RPL35A: variants seen among roughly 807,000 people sequenced by gnomAD.
RPL35A encodes the protein ribosomal protein L35a.
Under a neutral mutation model 16.7 loss-of-function variants are expected in RPL35A, and 1 was observed. The observed-to-expected ratio is 0.06, with a 90% CI of 0.02 to 0.28. RPL35A has a LOEUF of 0.28. Ranked by LOEUF, RPL35A falls within the 10% of genes least tolerant of loss-of-function variation. The pLI is 1.00. For synonymous variants in RPL35A, 58 were observed against 47.0 expected (o/e 1.23, Z -0.96); for missense variants, 91 against 138.7 (o/e 0.66, Z 1.73).
At chr3:197,954,833 A>G (rs1720404424) in intron 4 of RPL35A, among the ~76,000 whole-genome samples, 1 of 152,170 alleles carries the variant, frequency 6.6e-6, no homozygotes, top group Non-Finnish European at 1.5e-5. Flanking sequence ...TCTGGTGAAG[A>G]TATTTATTGG....
chr3:197,955,635 T>C, intron 4 of RPL35A, 115 bp from the exon 5 acceptor site: 1 of 952,442 alleles, frequency 1.0e-6, no homozygotes, highest in Non-Finnish European at 1.7e-6. Context: ...AAACTTTCCT[T>C]ACCACTAGAA....
intron 3 of RPL35A, among the ~76,000 whole-genome samples, chr3:197,952,162 GTTTTTTTTTTTTTTTTT>G (rs1161903755): frequency 2.4e-5 from 2 of 83,860 alleles, no homozygotes; most frequent in East Asian, 4.0e-4. Flanking sequence ...AAAATTATGG[GTTTTTTTTTTTTTTTTT>G]TTTTTTTTTG....
chr3:197,951,751 G>A (rs762624676), intron 3 of RPL35A: 1 of 191,052 alleles, frequency 5.2e-6, no homozygotes, highest in Non-Finnish European at 1.1e-5. Context: ...CAGGTTGGAG[G>A]GCAGTAGCGC....
At chr3:197,951,014 G>T (rs375955685) in intron 2 of RPL35A, 36 bp downstream of exon 2, 5 of 1,609,644 alleles carry the variant, frequency 3.1e-6, no homozygotes, top group Non-Finnish European at 4.3e-6. Context: ...ATTTTTGTGT[G>T]TTAGACGTGA....
At chr3:197,951,005 T>A in intron 2 of RPL35A, 27 bp downstream of exon 2, 3 of 1,611,360 alleles carry the variant, frequency 1.9e-6, no homozygotes, top group Non-Finnish European at 1.7e-6. Flanking sequence ...TAGTTCTTTA[T>A]TTTTGTGTGT....
At chr3:197,950,722 C>A in intron 1 of RPL35A, 1 of 585,750 alleles carries the variant, frequency 1.7e-6, no homozygotes, top group South Asian at 2.2e-5. Flanking sequence ...GTTTTGTCTT[C>A]ATTCTGAAGT....
intron 4 of RPL35A, 25 bp downstream of exon 4, chr3:197,954,172 G>A: frequency 6.2e-7 from 1 of 1,613,420 alleles, no homozygotes; most frequent in Admixed American, 1.7e-5. Context: ...TAGCAAAATG[G>A]ACGTCTGATG....
chr3:197,955,865 T>G lies in RPL35A; in HGVS notation c.*92T>G. The G allele has an allele frequency of 9.3e-7, 1 of 1,080,002 alleles. No homozygotes were observed. Among genetic ancestry groups the G allele is most frequent in the Non-Finnish European group, 1.4e-6 (1 of 700,372 alleles). The allele number at this position is 1,080,002 out of a possible 1,614,324, so 66.9% of individuals were successfully genotyped here. On this transcript the variant is annotated 3_prime_UTR_variant, in exon 5 of 5. Coordinates refer to ENST00000647248, the MANE Select transcript of RPL35A (RefSeq NM_000996.4). ...TACTACCTTAAATTGATTTGCTACA[T>G]GCTTAAAATGATAGAGGTTGCTCAG...
At position 197,950,949 on chromosome 3, in the gene RPL35A, G is replaced by C. The variant is rs1235142594; in HGVS notation, c.-19G>C. ...GTTTGTTTTAAGGCCTGCTGGGAAC[G>C]GGACTTCTAAAAGGAACTATGTCTG... On this transcript the variant is annotated 5_prime_UTR_variant, in exon 2 of 5. Transcript: ENST00000647248. The C allele has an allele frequency of 1.2e-6, 2 of 1,614,010 alleles. No individual in the cohort carries two copies. Among genetic ancestry groups the C allele is most frequent in the African/African-American group, 1.3e-5 (1 of 74,924 alleles).
intron 1 of RPL35A, chr3:197,950,526 C>G (rs1052493343): frequency 9.6e-6 from 3 of 312,354 alleles, no homozygotes; most frequent in South Asian, 6.5e-5. Flanking sequence ...TCCTCCCAGT[C>G]CATACCTTCC....
At chr3:197,951,128 T>C (rs1215642930) in intron 2 of RPL35A, 31 bp from the exon 3 acceptor site, 3 of 1,613,940 alleles carry the variant, frequency 1.9e-6, no homozygotes, top group Non-Finnish European at 2.5e-6. Flanking sequence ...TTGAAGCTTA[T>C]GTTTCATGTT....
rs1448947006 is a variant in RPL35A, at chr3:197,956,426, T to TA, written c.*654dup. The TA allele has an allele frequency of 6.5e-6, 1 of 152,928 alleles. No homozygotes were observed. The highest frequency in any genetic ancestry group is 2.4e-5 in the African/African-American group (1 of 41,446). 9.5% of individuals were successfully genotyped at this position (152,928 alleles called of 1,614,324 possible). On this transcript the variant is annotated 3_prime_UTR_variant, in exon 5 of 5. Transcript: ENST00000647248. ...ATATTAAAATAAAATTAAGCCATATTACTCCACTCATAAAAAGCAATCCTA... is the reference window on the plus strand; with the variant it reads ...ATATTAAAATAAAATTAAGCCATATTAACTCCACTCATAAAAAGCAATCCTA...
chr3:197,951,978 G>C (rs564583736), intron 3 of RPL35A, among the ~76,000 whole-genome samples: 1 of 152,132 alleles, frequency 6.6e-6, no homozygotes, highest in Non-Finnish European at 1.5e-5. Context: ...TTAGAAGGAC[G>C]TTACTTCTGA....
chr3:197,953,539 C>G (rs1720293104), intron 3 of RPL35A: 1 of 457,172 alleles, frequency 2.2e-6, no homozygotes, highest in Non-Finnish European at 4.4e-6. Context: ...AGGACACACA[C>G]TCCTTGGCCC....
At chr3:197,953,829 C>CAT in intron 3 of RPL35A, 174 bp from the exon 4 acceptor site, 1 of 679,502 alleles carries the variant, frequency 1.5e-6, no homozygotes, top group Non-Finnish European at 2.6e-6. Context: ...AAGGGCCTGG[C>CAT]ATACAATAGT....
At position 197,954,120 on chromosome 3, in the gene RPL35A, T is replaced by A. The variant is rs201018840; in HGVS notation, c.282T>A (p.Ala94=). The A allele has an allele frequency of 6.2e-7, 1 of 1,614,208 alleles. No individual in the cohort carries two copies. The highest frequency in any genetic ancestry group is 8.5e-7 in the Non-Finnish European group (1 of 1,180,038). ...VRAKFRSNLP[A]KAIGHRIRVM... ...CCAAATTCCGAAGCAATCTTCCTGC[T>A]AAGGCCATTGGACACAGAATCCGAG... The change falls in exon 4 of 5, where the codon GCT becomes GCA. Residue 94 remains alanine (A), a synonymous_variant. Transcript: ENST00000647248.
chr3:197,953,308 AGAGGCTGCAGTGAG>A (rs1346997630), intron 3 of RPL35A, among the ~76,000 whole-genome samples: 1 of 152,198 alleles, frequency 6.6e-6, no homozygotes, highest in Non-Finnish European at 1.5e-5. Flanking sequence ...GCCAGGAGAT[AGAGGCTGCAGTGAG>A]CTATGATTGG....
intron 3 of RPL35A, among the ~76,000 whole-genome samples, chr3:197,953,001 A>T (rs961649405): frequency 6.6e-6 from 1 of 150,948 alleles, no homozygotes; most frequent in African/African-American, 2.4e-5. Flanking sequence ...GGGTTTCACC[A>T]TGTTGGCCAG....
intron 3 of RPL35A, chr3:197,953,622 C>A: frequency 2.2e-6 from 1 of 457,408 alleles, no homozygotes. Context: ...GTTCCATGGT[C>A]ACCTCAGTGA....
Sources: gnomAD v4.1 joint callset for allele counts (sites outside exome capture counted in the v4.1 genomes callset) on GRCh38, gnomAD v4.1.1 for gene constraint, MANE v1.5 for transcripts, NCBI Gene and HGNC (gene_info 2026-07-23, HGNC 2026-07-21) for gene names.